The following FHIT variants were observed in gnomAD, a reference collection of about 807,000 sequenced individuals.
FHIT encodes fragile histidine triad diadenosine triphosphatase, also known as bis(5'-adenosyl)-triphosphatase.
A neutral mutation model predicts 17.9 loss-of-function variants in FHIT; 19 were observed. That is an observed-to-expected ratio of 1.06 (90% CI 0.74 to 1.56). FHIT has a LOEUF of 1.56. Among genes scored for constraint, FHIT ranks in the 40% most tolerant of loss-of-function variants. The pLI is 0.00. For synonymous variants in FHIT, 81 were observed against 69.7 expected (o/e 1.16, Z -0.81); for missense variants, 248 against 189.2 (o/e 1.31, Z -1.82).
At chr3:60,761,622 T>C (rs1244014339) in intron 4 of FHIT, among the ~76,000 whole-genome samples, 1 of 150,952 alleles carries the variant, frequency 6.6e-6, no homozygotes, top group African/African-American at 2.4e-5. Context: ...CCATGTCTTT[T>C]TTTTTTTTTT....
intron 5 of FHIT, among the ~76,000 whole-genome samples, chr3:60,206,716 C>G (rs1027858191): frequency 6.6e-6 from 1 of 152,130 alleles, no homozygotes; most frequent in Non-Finnish European, 1.5e-5. Flanking sequence ...AAAATGCCAA[C>G]TCGGTAAGCA....
intron 2 of FHIT, among the ~76,000 whole-genome samples, chr3:61,126,104 T>G (rs2036598047): frequency 6.6e-6 from 1 of 152,170 alleles, no homozygotes; most frequent in East Asian, 1.9e-4. Flanking sequence ...GACTTCATAC[T>G]GCAGCTTCTG....
At chr3:60,155,030 G>C (rs1700620163) in intron 5 of FHIT, among the ~76,000 whole-genome samples, 1 of 151,656 alleles carries the variant, frequency 6.6e-6, no homozygotes, top group Non-Finnish European at 1.5e-5. Context: ...TGAGATCCCA[G>C]TTTTACAAAA....
intron 5 of FHIT, among the ~76,000 whole-genome samples, chr3:60,486,908 A>ATT (rs2033867267): frequency 6.6e-6 from 1 of 152,174 alleles, no homozygotes; most frequent in Non-Finnish European, 1.5e-5. Flanking sequence ...TACAAAATGC[A>ATT]ACTACAGACT....
intron 4 of FHIT, among the ~76,000 whole-genome samples, chr3:60,569,502 A>T (rs529624932): frequency 3.3e-5 from 5 of 152,000 alleles, no homozygotes; most frequent in Admixed American, 6.6e-5. Flanking sequence ...ATGCCTACTG[A>T]GTAATGAGTT....
chr3:60,747,486 G>A (rs962831184), intron 4 of FHIT, among the ~76,000 whole-genome samples: 1 of 152,016 alleles, frequency 6.6e-6, no homozygotes, highest in East Asian at 1.9e-4. Flanking sequence ...AATTTTTGCT[G>A]AATAAATAAA....
At chr3:60,147,927 A>C (rs1700310230) in intron 5 of FHIT, among the ~76,000 whole-genome samples, 1 of 152,160 alleles carries the variant, frequency 6.6e-6, no homozygotes, top group Non-Finnish European at 1.5e-5. Flanking sequence ...GTGGAAAATC[A>C]AGGTGGAAGG....
At chr3:59,877,390 C>A (rs1703210928) in intron 8 of FHIT, among the ~76,000 whole-genome samples, 1 of 152,104 alleles carries the variant, frequency 6.6e-6, no homozygotes, top group African/African-American at 2.4e-5. Flanking sequence ...GTGCTGATGA[C>A]CATACAGGGA....
intron 5 of FHIT, among the ~76,000 whole-genome samples, chr3:60,450,814 A>G (rs1248537937): frequency 1.3e-5 from 2 of 152,220 alleles, no homozygotes; most frequent in African/African-American, 4.8e-5. Context: ...ACCTGCTTGT[A>G]ACGAGCCAGT....
chr3:59,886,890 C>G lies in FHIT; in HGVS notation c.348+35456G>C, dbSNP rs73839579. On this transcript the variant is annotated intron_variant, in intron 8 of 9. Coordinates refer to ENST00000492590, the MANE Select transcript of FHIT (RefSeq NM_002012.4). ...AAGTCTTTTTTGTCTATTAGACATT[C>G]ATTTATTGAGAACCAACTATTTGTC... 6.5e-3 allele frequency among the ~76,000 whole-genome samples: 985 copies of G among 152,288 alleles called. 12 individuals carry two copies. The highest frequency in any genetic ancestry group is 0.023 in the African/African-American group (954 of 41,556).
chr3:61,005,442 T>A (rs1470781803), intron 3 of FHIT, among the ~76,000 whole-genome samples: 1 of 152,050 alleles, frequency 6.6e-6, no homozygotes, highest in East Asian at 1.9e-4. Context: ...CTGGTGATGG[T>A]GATGGTGATG....
intron 4 of FHIT, among the ~76,000 whole-genome samples, chr3:60,770,643 T>C (rs544273771): frequency 1.3e-5 from 2 of 152,338 alleles, no homozygotes; most frequent in Admixed American, 6.5e-5. Flanking sequence ...GATGTTACAG[T>C]CAGGAAAACA....
At chr3:60,845,388 C>G (rs1702890725) in intron 3 of FHIT, among the ~76,000 whole-genome samples, 1 of 151,888 alleles carries the variant, frequency 6.6e-6, no homozygotes, top group Non-Finnish European at 1.5e-5. Flanking sequence ...ACTACCATAG[C>G]TACTTAAGGG....
chr3:60,478,767 T>C (rs1031448824), intron 5 of FHIT, among the ~76,000 whole-genome samples: 2 of 152,144 alleles, frequency 1.3e-5, no homozygotes, highest in East Asian at 3.9e-4. Context: ...TTTGCACAAA[T>C]GAACAAATAC....
intron 5 of FHIT, among the ~76,000 whole-genome samples, chr3:60,122,112 A>G (rs1233611725): frequency 2.0e-5 from 2 of 101,728 alleles, no homozygotes; most frequent in East Asian, 2.4e-4. Flanking sequence ...AATTGCAACT[A>G]AAAAAAAACG....
chr3:60,507,312 A>T (rs1272605425), intron 5 of FHIT, among the ~76,000 whole-genome samples: 1 of 152,194 alleles, frequency 6.6e-6, no homozygotes, highest in Non-Finnish European at 1.5e-5. Context: ...TGGAGGAATG[A>T]AAGAGGCTAG....
At chr3:61,014,648 T>C (rs61686981) in intron 3 of FHIT, among the ~76,000 whole-genome samples, 40,697 of 149,778 alleles carry the variant, frequency 0.27, 6,430 homozygotes, top group African/African-American at 0.43. Context: ...GGCGTGGTGG[T>C]GGGCACCTGT....
chr3:60,687,384 T>C (rs189922190), intron 4 of FHIT, among the ~76,000 whole-genome samples: 1 of 152,248 alleles, frequency 6.6e-6, no homozygotes, highest in East Asian at 1.9e-4. Context: ...CAGTTTATTA[T>C]ATAGTTTCCT....
chr3:61,069,330 A>T (rs1020113826), intron 2 of FHIT, among the ~76,000 whole-genome samples: 2 of 152,286 alleles, frequency 1.3e-5, no homozygotes, highest in South Asian at 4.1e-4. Flanking sequence ...TGCATATTGA[A>T]ATCATCTTAG....
Sources: allele counts gnomAD v4.1 joint callset (sites outside exome capture counted in the v4.1 genomes callset), GRCh38; gene constraint gnomAD v4.1.1; transcripts MANE v1.5; gene names NCBI Gene and HGNC (gene_info 2026-07-23, HGNC 2026-07-21).